FBN1: variants seen among roughly 807,000 people sequenced by gnomAD.
The protein encoded by FBN1 is fibrillin-1.
In FBN1, 29 loss-of-function variants were observed where a neutral mutation model predicts 365.1. The ratio of observed to expected loss-of-function variants is 0.08; its 90% CI spans 0.06 to 0.11. The LOEUF (loss-of-function observed/expected upper bound fraction) is 0.11, where lower values mean the gene tolerates loss of function less well. Ranked by LOEUF, FBN1 falls within the 10% of genes least tolerant of loss-of-function variation. The pLI, the probability that FBN1 is intolerant of heterozygous loss-of-function variation, is 1.00. For missense variants in FBN1, 2,476 were observed against 3,703.2 expected, an observed-to-expected ratio of 0.67 and a Z score of 8.60; for synonymous variants, 1,210 against 1,270.5, an observed-to-expected ratio of 0.95 and a Z score of 1.01.
At chr15:48,500,639 C>T (rs1272985045) in intron 17 of FBN1, among the ~76,000 whole-genome samples, 2 of 152,096 alleles carry the variant, frequency 1.3e-5, no homozygotes, top group Admixed American at 1.3e-4. Context: ...GCTAACTCCG[C>T]GTAGTGCCAT....
At chr15:48,437,252 T>TA in intron 52 of FBN1, 70 bp downstream of exon 52, 1 of 1,449,032 alleles carries the variant, frequency 6.9e-7, no homozygotes, top group African/African-American at 1.4e-5. Flanking sequence ...TGGAGAAAAA[T>TA]AAGAATAACT....
intron 60 of FBN1, 96 bp from the exon 61 acceptor site, chr15:48,422,164 TC>T (rs1395540369): frequency 2.4e-6 from 2 of 823,574 alleles, no homozygotes; most frequent in African/African-American, 3.4e-5. Flanking sequence ...GATTTGGAGG[TC>T]TCAAATGACC....
chr15:48,418,357 A>C (rs1412494989), intron 63 of FBN1, among the ~76,000 whole-genome samples: 1 of 152,166 alleles, frequency 6.6e-6, no homozygotes, highest in Non-Finnish European at 1.5e-5. Flanking sequence ...CTCTCCTTTC[A>C]CATTCTTTTA....
chr15:48,446,866 A>G lies in FBN1; in HGVS notation c.5672-44T>C, dbSNP rs766488080. The G allele has an allele frequency of 4.5e-6, 6 of 1,347,808 alleles. No homozygotes were observed. In the African/African-American group the frequency reaches 8.6e-5, roughly 19 times the overall value. 83.5% of individuals were successfully genotyped at this position (1,347,808 alleles called of 1,614,324 possible). ...ATAAAGAAACATAATTATAAGTAGA[A>G]AAAGTGGTTACACGGTTACAGTGGC... On this transcript the variant is annotated intron_variant, in intron 46 of 65. Transcript: ENST00000316623.
chr15:48,489,707 T>C (rs2043539217), intron 25 of FBN1, 144 bp downstream of exon 25: 5 of 739,600 alleles, frequency 6.8e-6, no homozygotes, highest in South Asian at 3.3e-5. Flanking sequence ...AAAAAGTTCA[T>C]ACTTTTCTAA....
At chr15:48,640,497 A>T (rs1890179279) in intron 2 of FBN1, among the ~76,000 whole-genome samples, 1 of 152,194 alleles carries the variant, frequency 6.6e-6, no homozygotes, top group South Asian at 2.1e-4. Context: ...CTTTTTCTGT[A>T]TTCCCTATTA....
intron 10 of FBN1, among the ~76,000 whole-genome samples, chr15:48,517,615 T>G (rs918539604): frequency 6.6e-6 from 1 of 152,250 alleles, no homozygotes; most frequent in African/African-American, 2.4e-5. Context: ...AAAAGGTGTT[T>G]TTAAGCAGTA....
chr15:48,542,833 T>TGTGTGTGTGTGTA (rs1566923409), intron 6 of FBN1, among the ~76,000 whole-genome samples: 2 of 108,054 alleles, frequency 1.9e-5, no homozygotes, highest in African/African-American at 9.2e-5. Flanking sequence ...GTGTGTGTAT[T>TGTGTGTGTGTGTA]TTTTTTCCTT....
At chr15:48,493,431 T>C (rs1410599107) in intron 23 of FBN1, among the ~76,000 whole-genome samples, 1 of 152,214 alleles carries the variant, frequency 6.6e-6, no homozygotes, top group African/African-American at 2.4e-5. Context: ...TCTTTCCTTG[T>C]AAGAGAGATC....
intron 16 of FBN1, among the ~76,000 whole-genome samples, chr15:48,504,524 C>T (rs1053478498): frequency 6.6e-6 from 1 of 152,188 alleles, no homozygotes; most frequent in Admixed American, 6.5e-5. Flanking sequence ...ATTCAAATGG[C>T]TTACTGAGTA....
rs557040091 is a variant in FBN1 at position 48,640,659 on chromosome 15, A to T, written c.164+3947T>A. On this transcript the variant is annotated intron_variant, in intron 2 of 65. Coordinates refer to ENST00000316623, the MANE Select transcript of FBN1 (RefSeq NM_000138.5). ...AAACAAATAAACAAAGACCAAAAGG[A>T]ATCACACACAAGGGGACAAATTGTG... 3.9e-5 allele frequency among the ~76,000 whole-genome samples: 6 copies of T among 152,332 alleles called. No individual in the cohort carries two copies. The South Asian group carries it at 1.2e-3, about 32-fold the overall frequency.
At chr15:48,560,879 C>T (rs990258639) in intron 6 of FBN1, among the ~76,000 whole-genome samples, 2 of 152,036 alleles carry the variant, frequency 1.3e-5, no homozygotes, top group East Asian at 3.9e-4. Context: ...CCTGTGTGAC[C>T]CTCTCTAAAC....
Position 48,448,765 on chromosome 15 carries a change from T to C in FBN1, c.5671+3A>G. On this transcript the variant is annotated splice_donor_region_variant and intron_variant, in intron 46 of 65. Transcript: ENST00000316623. ...AAAAAAATAATAATAATTGCATACT[T>C]ACCCAAGCACATGGTTTGGTCATCA... The C allele has an allele frequency of 6.2e-7, 1 of 1,612,164 alleles. No homozygotes were observed. Among genetic ancestry groups the C allele is most frequent in the Non-Finnish European group, 8.5e-7 (1 of 1,178,800 alleles).
chr15:48,514,375 C>G (rs916537989), intron 12 of FBN1, among the ~76,000 whole-genome samples: 2 of 152,186 alleles, frequency 1.3e-5, no homozygotes, highest in African/African-American at 4.8e-5. Flanking sequence ...CACTTCTACT[C>G]AGCTCTGGAT....
At chr15:48,442,483 G>C (rs964246713) in intron 49 of FBN1, among the ~76,000 whole-genome samples, 1 of 152,160 alleles carries the variant, frequency 6.6e-6, no homozygotes, top group Non-Finnish European at 1.5e-5. Flanking sequence ...TCTTGTACAG[G>C]CTTTTTCTTT....
intron 32 of FBN1, among the ~76,000 whole-genome samples, chr15:48,478,117 C>A (rs1342517444): frequency 1.3e-5 from 2 of 152,172 alleles, no homozygotes; most frequent in African/African-American, 4.8e-5. Flanking sequence ...TGCAGAAACT[C>A]CTTGATTAGG....
At chr15:48,467,591 G>A (rs1450493314) in intron 38 of FBN1, among the ~76,000 whole-genome samples, 1 of 152,146 alleles carries the variant, frequency 6.6e-6, no homozygotes, top group African/African-American at 2.4e-5. Flanking sequence ...TGAGTCTGGC[G>A]TACAGCCTTC....
At chr15:48,529,268 G>T (rs1004708969) in intron 8 of FBN1, 26 of 152,384 alleles carry the variant, frequency 1.7e-4, no homozygotes, top group Admixed American at 1.7e-3. Context: ...CTGTCCCATG[G>T]TAGCTGTCCA....
intron 32 of FBN1, among the ~76,000 whole-genome samples, chr15:48,479,794 A>G (rs2043452922): frequency 6.6e-6 from 1 of 152,212 alleles, no homozygotes; most frequent in Non-Finnish European, 1.5e-5. Context: ...TTCAATATAA[A>G]GAGTAAGATT....
Sources: allele counts gnomAD v4.1 joint callset (sites outside exome capture counted in the v4.1 genomes callset), GRCh38; gene constraint gnomAD v4.1.1; transcripts MANE v1.5; gene names NCBI Gene and HGNC (gene_info 2026-07-23, HGNC 2026-07-21).